DIAPH2: variants seen among roughly 807,000 people sequenced by gnomAD.
DIAPH2 encodes the protein protein diaphanous homolog 2.
Under a neutral mutation model 92.7 loss-of-function variants are expected in DIAPH2, and 35 were observed. The ratio of observed to expected loss-of-function variants is 0.38; its 90% confidence interval spans 0.29 to 0.50. DIAPH2 has a LOEUF of 0.50. DIAPH2 is among the 20% of genes least tolerant of loss of function. DIAPH2 has a pLI of 0.94. For synonymous variants in DIAPH2, 301 were observed against 280.4 expected (o/e 1.07, Z -0.73); for missense variants, 701 against 819.5 (o/e 0.86, Z 1.77).
At chrX:97,020,300 ATGTGTGTGCATG>A (rs977480992) in intron 17 of DIAPH2, among the ~76,000 whole-genome samples, 1 of 111,703 alleles carries the variant, frequency 9.0e-6, no homozygotes, top group African/African-American at 3.3e-5. Context: ...CTACTTGTGT[ATGTGTGTGCATG>A]TGTGTGTGCA....
At chrX:97,215,568 G>A (rs1296835758) in intron 22 of DIAPH2, among the ~76,000 whole-genome samples, 2 of 111,669 alleles carry the variant, frequency 1.8e-5, no homozygotes, top group Admixed American at 9.6e-5. Context: ...CCTCCACTCA[G>A]TTTTCTGTCA....
intron 3 of DIAPH2, among the ~76,000 whole-genome samples, chrX:96,756,321 ATT>A (rs1190975993): frequency 9.0e-6 from 1 of 111,065 alleles, no homozygotes; most frequent in Non-Finnish European, 1.9e-5. Context: ...CCTCTAATTT[ATT>A]TTTTGTCCCT....
rs375909300 is a variant in DIAPH2 at position 96,729,341 on chromosome X, A to G, written c.133-6417A>G. Among the ~76,000 whole-genome samples, 11 of 112,281 alleles carry G rather than the reference A, an allele frequency of 9.8e-5. No homozygotes were observed. In the East Asian group the frequency reaches 2.8e-3, roughly 28 times the overall value. On this transcript the variant is annotated intron_variant, in intron 1 of 26. Transcript: ENST00000324765. ...AGGATGCTACTACTCTAAAAGCTGGATTATTCCTGCAATTGTTTCTGCTTA... is the reference window on the plus strand; with the variant it reads ...AGGATGCTACTACTCTAAAAGCTGGGTTATTCCTGCAATTGTTTCTGCTTA...
At chrX:96,918,760 C>A in intron 9 of DIAPH2, 143 bp downstream of exon 9, 1 of 423,922 alleles carries the variant, frequency 2.4e-6, no homozygotes. Context: ...GTGAGAATTG[C>A]AATTTGTTTA....
At chrX:97,316,604 C>G (rs753726520) in intron 23 of DIAPH2, among the ~76,000 whole-genome samples, 1 of 110,721 alleles carries the variant, frequency 9.0e-6, no homozygotes, top group South Asian at 3.9e-4. Context: ...TGCAGTGAGC[C>G]GAGATTGTGC....
intron 1 of DIAPH2, among the ~76,000 whole-genome samples, chrX:96,725,210 GTTAT>G (rs1425788076): frequency 8.9e-6 from 1 of 111,858 alleles, no homozygotes; most frequent in Non-Finnish European, 1.9e-5. Context: ...CCTACAATGT[GTTAT>G]TTATTATTTT....
At chrX:96,882,974 A>AC (rs1330804889) in intron 5 of DIAPH2, among the ~76,000 whole-genome samples, 9 of 53,562 alleles carry the variant, frequency 1.7e-4, no homozygotes, top group Non-Finnish European at 4.6e-4. Flanking sequence ...AAAAAAAAAA[A>AC]AAAAAAAAAC....
chrX:96,929,488 T>G (rs2065605430), intron 9 of DIAPH2, among the ~76,000 whole-genome samples: 1 of 110,983 alleles, frequency 9.0e-6, no homozygotes, highest in African/African-American at 3.3e-5. Context: ...TAACTTTTGA[T>G]TTTTGAACAT....
intron 17 of DIAPH2, among the ~76,000 whole-genome samples, chrX:97,021,230 C>T (rs1569281100): frequency 1.8e-5 from 2 of 111,243 alleles, no homozygotes; most frequent in Non-Finnish European, 3.8e-5. Flanking sequence ...GGGGATCACA[C>T]TCTGTCACCC....
chrX:96,945,091 G>T (rs1437370592), intron 13 of DIAPH2, among the ~76,000 whole-genome samples: 1 of 110,687 alleles, frequency 9.0e-6, no homozygotes, highest in Non-Finnish European at 1.9e-5. Flanking sequence ...GAAGAAGCCT[G>T]AATTATCGAA....
rs185836401 is a variant in DIAPH2 at position 96,796,877 on chromosome X, C to T, written c.447+38619C>T. On this transcript the variant is annotated intron_variant, in intron 4 of 26. Coordinates refer to ENST00000324765, the MANE Select transcript of DIAPH2 (RefSeq NM_006729.5). ...ATATATTCTCACACTCTATTTCACA[C>T]ACATTTCTGGCACTCTTCATTCCTT... is the stretch of plus-strand genomic sequence containing the variant. Among the ~76,000 whole-genome samples the T allele has an allele frequency of 2.3e-3, 253 of 111,714 alleles. 1 individual carries two copies. Among genetic ancestry groups the T allele is most frequent in the African/African-American group, 7.8e-3 (239 of 30,803 alleles).
In DIAPH2 at chrX:97,102,688, CCAG is replaced by C. The variant is rs774444246; in HGVS notation, c.2349+2896_2349+2898del. On this transcript the variant is annotated intron_variant, in intron 20 of 26. Coordinates refer to ENST00000324765, the MANE Select transcript of DIAPH2 (RefSeq NM_006729.5). ...GGCGCGTTGGCTCATGCCTGTAATC[CCAG>C]CACTTTGGGAAGCCGAGGCGGGAGG... is the stretch of plus-strand genomic sequence containing the variant. Among the ~76,000 whole-genome samples the C allele has an allele frequency of 1.3e-3, 148 of 112,003 alleles. 1 individual carries two copies. Among genetic ancestry groups the C allele is most frequent in the African/African-American group, 4.4e-3 (137 of 30,907 alleles).
chrX:96,961,689 T>C (rs1304806964), intron 16 of DIAPH2, among the ~76,000 whole-genome samples: 1 of 110,250 alleles, frequency 9.1e-6, no homozygotes, highest in Non-Finnish European at 1.9e-5. Flanking sequence ...CCTCTTAGCA[T>C]TGCTTTCCAC....
At chrX:97,420,667 C>A (rs1019985284) in intron 25 of DIAPH2, among the ~76,000 whole-genome samples, 1 of 111,308 alleles carries the variant, frequency 9.0e-6, no homozygotes, top group Non-Finnish European at 1.9e-5. Flanking sequence ...TTAGTGGATA[C>A]CACTGTGCAA....
chrX:97,498,478 A>T (rs961385306), intron 26 of DIAPH2, among the ~76,000 whole-genome samples: 2 of 111,821 alleles, frequency 1.8e-5, no homozygotes, highest in African/African-American at 6.5e-5. Context: ...CGTACTCATT[A>T]TCTAATCTCT....
intron 1 of DIAPH2, among the ~76,000 whole-genome samples, chrX:96,697,166 G>A (rs1303271744): frequency 9.0e-6 from 1 of 110,557 alleles, no homozygotes; most frequent in Non-Finnish European, 1.9e-5. Context: ...AATGCTGTCA[G>A]TGCCTTTTAG....
intron 21 of DIAPH2, among the ~76,000 whole-genome samples, chrX:97,130,791 C>T (rs961659335): frequency 1.8e-5 from 2 of 111,042 alleles, no homozygotes; most frequent in Admixed American, 9.6e-5. Context: ...CTTTAGGAGA[C>T]TGAGGCAGGA....
intron 17 of DIAPH2, among the ~76,000 whole-genome samples, chrX:97,025,371 G>A (rs2066325446): frequency 9.6e-6 from 1 of 103,681 alleles, no homozygotes; most frequent in South Asian, 4.5e-4. Flanking sequence ...AAGAGTTACA[G>A]CCGGGCGTGG....
intron 25 of DIAPH2, among the ~76,000 whole-genome samples, chrX:97,406,290 G>A (rs1306207128): frequency 2.7e-5 from 3 of 111,235 alleles, no homozygotes; most frequent in East Asian, 2.8e-4. Context: ...GATTTCTCCC[G>A]GTTTGACTCT....
Sources: gnomAD v4.1 joint callset for allele counts (sites outside exome capture counted in the v4.1 genomes callset) on GRCh38, gnomAD v4.1.1 for gene constraint, MANE v1.5 for transcripts, NCBI Gene and HGNC (gene_info 2026-07-23, HGNC 2026-07-21) for gene names.